Variants in TMEFF1 observed in about 807,000 individuals in gnomAD.
TMEFF1 encodes tomoregulin-1.
TMEFF1 carries 20 observed loss-of-function variants against 47.5 expected under a neutral mutation model. The observed-to-expected ratio is 0.42, with a 90% CI of 0.30 to 0.61. The LOEUF (loss-of-function observed/expected upper bound fraction) is 0.61, where lower values mean the gene tolerates loss of function less well. Ranked by LOEUF, TMEFF1 falls within the 20% of genes least tolerant of loss-of-function variation. The pLI is 0.19. For synonymous variants in TMEFF1, 162 were observed against 166.3 expected (o/e 0.97, Z 0.20); for missense variants, 411 against 471.1 (o/e 0.87, Z 1.18).
At chr9:100,504,293 T>C (rs1362793193) in intron 2 of TMEFF1, among the ~76,000 whole-genome samples, 1 of 152,176 alleles carries the variant, frequency 6.6e-6, no homozygotes, top group Non-Finnish European at 1.5e-5. Context: ...GAGAGACCCA[T>C]GGAAACTGAG....
rs544387030 is a variant in TMEFF1, at chr9:100,539,650, C to T, written c.561-8094C>T. On this transcript the variant is annotated intron_variant, in intron 5 of 9. Transcript: ENST00000374879. The stretch of plus-strand genomic sequence containing the variant: ...TGAGTGTTACAGCTCATAAAGGTGG[C>T]GCGGACCCAAAGAGTGAGCAGCAGC... Among the ~76,000 whole-genome samples, 8 of 152,178 alleles carry T rather than the reference C, an allele frequency of 5.3e-5. No individual in the cohort carries two copies. The South Asian group carries it at 8.3e-4, about 16-fold the overall frequency.
At chr9:100,547,689 G>T in intron 5 of TMEFF1, 55 bp from the exon 6 acceptor site, 1 of 1,397,354 alleles carries the variant, frequency 7.2e-7, no homozygotes, top group South Asian at 2.0e-5. Context: ...TGCTGTTGCA[G>T]CATTGTGAAA....
At chr9:100,530,989 A>G (rs1838365471) in intron 5 of TMEFF1, among the ~76,000 whole-genome samples, 1 of 151,736 alleles carries the variant, frequency 6.6e-6, no homozygotes, top group Non-Finnish European at 1.5e-5. Context: ...CAAAAACCAC[A>G]TGATTATCTC....
At chr9:100,483,348 T>C (rs1837376308) in intron 1 of TMEFF1, among the ~76,000 whole-genome samples, 1 of 151,936 alleles carries the variant, frequency 6.6e-6, no homozygotes, top group African/African-American at 2.4e-5. Flanking sequence ...AATACAAAAA[T>C]TAGCCGGGCA....
Position 100,473,492 on chromosome 9 carries a change from G to C in TMEFF1, c.-53G>C. 2 of 1,278,138 alleles carry C rather than the reference G, an allele frequency of 1.6e-6. No individual in the cohort carries two copies. Among genetic ancestry groups the C allele is most frequent in the Non-Finnish European group, 2.0e-6 (2 of 1,012,930 alleles). The allele number at this position is 1,278,138 out of a possible 1,614,324, so 79.2% of individuals were successfully genotyped here. ...CGGCGGGGCTCTGGGCGCGCGGCTGGATGCCCCCGGCCTGCGGCTCCCTGC... is the reference window on the plus strand; with the variant it reads ...CGGCGGGGCTCTGGGCGCGCGGCTGCATGCCCCCGGCCTGCGGCTCCCTGC... On this transcript the variant is annotated 5_prime_UTR_variant, in exon 1 of 10. Coordinates refer to ENST00000374879, the MANE Select transcript of TMEFF1 (RefSeq NM_003692.5). This position sits in a 1 kb window ranked among gnomAD's most constrained non-coding sequence, Gnocchi z 5.4.
intron 5 of TMEFF1, 88 bp from the exon 6 acceptor site, chr9:100,547,656 C>A (rs1838760856): frequency 1.9e-5 from 25 of 1,326,580 alleles, no homozygotes; most frequent in Non-Finnish European, 2.2e-5. Flanking sequence ...TTACAGAAAG[C>A]AGAAGAAAGA....
intron 1 of TMEFF1, among the ~76,000 whole-genome samples, chr9:100,495,271 G>A (rs1396492842): frequency 6.6e-6 from 1 of 152,076 alleles, no homozygotes; most frequent in Non-Finnish European, 1.5e-5. Flanking sequence ...TTACTCATAT[G>A]TTGTGGGCAA....
intron 1 of TMEFF1, among the ~76,000 whole-genome samples, chr9:100,490,316 T>G (rs1252124181): frequency 2.6e-5 from 4 of 152,190 alleles, no homozygotes; most frequent in African/African-American, 9.6e-5. Context: ...ATAACTAATA[T>G]GATTAGTAAA....
At chr9:100,548,769 A>C (rs1838781999) in intron 6 of TMEFF1, among the ~76,000 whole-genome samples, 1 of 152,236 alleles carries the variant, frequency 6.6e-6, no homozygotes, top group South Asian at 2.1e-4. Flanking sequence ...TACACAATTG[A>C]TTGCAGTACC....
At chr9:100,561,624 G>T in intron 8 of TMEFF1, 104 bp downstream of exon 8, 2 of 1,343,082 alleles carry the variant, frequency 1.5e-6, no homozygotes, top group Non-Finnish European at 1.9e-6. Flanking sequence ...AGAAAGTAGT[G>T]TTTATTTGCA....
At chr9:100,559,652 T>C (rs1425707958) in intron 7 of TMEFF1, among the ~76,000 whole-genome samples, 2 of 152,184 alleles carry the variant, frequency 1.3e-5, no homozygotes, top group Non-Finnish European at 2.9e-5. Context: ...AAATCTGGGC[T>C]ACTAGAAAAT....
intron 1 of TMEFF1, among the ~76,000 whole-genome samples, chr9:100,474,165 C>T (rs1431807843): frequency 2.5e-5 from 1 of 40,750 alleles, no homozygotes; most frequent in African/African-American, 9.7e-5. Flanking sequence ...GGGTGGGAGA[C>T]GGCGAGGGGG....
rs142467163 is a variant in TMEFF1, at chr9:100,510,957, C to G, written c.436+1823C>G. On this transcript the variant is annotated intron_variant, in intron 3 of 9. Coordinates refer to ENST00000374879, the MANE Select transcript of TMEFF1 (RefSeq NM_003692.5). ...CTTAGACGTGGCCCAACCCCCAACA[C>G]TAAGTTCCAGTGTGGTCAGCACCCT... Among the ~76,000 whole-genome samples, 618 of 152,294 alleles carry G rather than the reference C, an allele frequency of 4.1e-3. 5 individuals are homozygous for G. The highest frequency in any genetic ancestry group is 0.014 in the African/African-American group (582 of 41,566).
intron 9 of TMEFF1, among the ~76,000 whole-genome samples, 186 bp downstream of exon 9, chr9:100,572,862 T>A (rs927359174): frequency 3.3e-5 from 5 of 151,962 alleles, no homozygotes; most frequent in Admixed American, 2.6e-4. Flanking sequence ...CTTACAGGTA[T>A]ATCTGGGCGA....
intron 1 of TMEFF1, among the ~76,000 whole-genome samples, chr9:100,482,739 G>T (rs534439541): frequency 6.6e-6 from 1 of 152,268 alleles, no homozygotes; most frequent in African/African-American, 2.4e-5. Context: ...TCAAATTGGT[G>T]TACATTCCCT....
At chr9:100,537,926 A>T (rs1027472048) in intron 5 of TMEFF1, among the ~76,000 whole-genome samples, 1 of 152,178 alleles carries the variant, frequency 6.6e-6, no homozygotes, top group Non-Finnish European at 1.5e-5. Flanking sequence ...ATGAACTAAA[A>T]TTTTTTTCTG....
chr9:100,484,973 G>C (rs904773920), intron 1 of TMEFF1, among the ~76,000 whole-genome samples: 1 of 152,058 alleles, frequency 6.6e-6, no homozygotes, highest in African/African-American at 2.4e-5. Flanking sequence ...TACCAACCCT[G>C]GCCATGATTT....
At chr9:100,523,087 G>A (rs2118411585) in intron 5 of TMEFF1, among the ~76,000 whole-genome samples, 1 of 152,234 alleles carries the variant, frequency 6.6e-6, no homozygotes, top group South Asian at 2.1e-4. Flanking sequence ...AGAGAGTTTT[G>A]CCTTTAAAAT....
intron 8 of TMEFF1, among the ~76,000 whole-genome samples, chr9:100,567,288 C>T (rs1461994605): frequency 1.3e-5 from 2 of 152,090 alleles, no homozygotes; most frequent in Non-Finnish European, 1.5e-5. Flanking sequence ...ATGGCAGGCT[C>T]CTCACCTCCT....
Sources: gnomAD v4.1 joint callset for allele counts (sites outside exome capture counted in the v4.1 genomes callset) on GRCh38, gnomAD v4.1.1 for gene constraint, Gnocchi (gnomAD v3.1) non-coding constraint, MANE v1.5 for transcripts, NCBI Gene and HGNC (gene_info 2026-07-23, HGNC 2026-07-21) for gene names.